Variants in F8 observed in about 807,000 individuals in gnomAD.
F8 encodes the protein coagulation factor VIII.
A neutral mutation model predicts 140.6 loss-of-function variants in F8; 12 were observed. That is an observed-to-expected ratio of 0.09 (90% confidence interval 0.05 to 0.14). F8 has a LOEUF of 0.14. Among genes scored for constraint, F8 ranks in the 10% least tolerant of loss-of-function variants. The pLI is 1.00. For synonymous variants in F8, 585 were observed against 614.6 expected (o/e 0.95, Z 0.71); for missense variants, 1,354 against 1,720.7 (o/e 0.79, Z 3.77).
chrX:154,846,184 A>G (rs1437828209), intron 25 of F8, among the ~76,000 whole-genome samples: 1 of 111,821 alleles, frequency 8.9e-6, no homozygotes, highest in Non-Finnish European at 1.9e-5. Context: ...CTGTTCTTTT[A>G]CATTTGCTGA....
chrX:154,970,278 C>T (rs115482626), intron 6 of F8, among the ~76,000 whole-genome samples: 4,685 of 111,753 alleles, frequency 0.042, 230 homozygotes, highest in African/African-American at 0.14. Context: ...GGAGAGGAAA[C>T]GGATGCCCAG....
At chrX:154,914,584 T>C (rs1472617234) in intron 14 of F8, among the ~76,000 whole-genome samples, 19 of 112,207 alleles carry the variant, frequency 1.7e-4, no homozygotes, top group African/African-American at 5.8e-4. Context: ...ATGCTGCCAA[T>C]CTCTTTGCTA....
At chrX:154,989,067 T>G (rs2073573890) in intron 4 of F8, among the ~76,000 whole-genome samples, 1 of 111,767 alleles carries the variant, frequency 8.9e-6, no homozygotes, top group African/African-American at 3.3e-5. Flanking sequence ...CTATTTATGG[T>G]TTACCTATCT....
chrX:154,982,607 T>C (rs5945128), intron 6 of F8, among the ~76,000 whole-genome samples: 25,668 of 110,215 alleles, frequency 0.23, 2,755 homozygotes, highest in African/African-American at 0.41. Flanking sequence ...CAACCATACA[T>C]GGCACCATTC....
chrX:154,990,157 T>G (rs1557284540), intron 4 of F8, among the ~76,000 whole-genome samples: 1 of 112,156 alleles, frequency 8.9e-6, no homozygotes, highest in Admixed American at 9.5e-5. Flanking sequence ...TTAATTGGTG[T>G]GTTTTAGCCA....
At chrX:154,871,872 C>G (rs1291453842) in intron 22 of F8, among the ~76,000 whole-genome samples, 2 of 111,802 alleles carry the variant, frequency 1.8e-5, no homozygotes, top group African/African-American at 6.5e-5. Flanking sequence ...ACAACCCCAT[C>G]AAAAAATGGG....
chrX:154,930,915 C>T lies in F8; in HGVS notation c.2875G>A (p.Glu959Lys), dbSNP rs782360032. ...TESGGPLSLSEENNDSKLLES... is the reference protein window; with the variant it reads ...TESGGPLSLSKENNDSKLLES... ...AACAACTTTGAATCATTATTTTCTT[C>T]ACTCAAGCTCAGAGGTCCACCAGAC... The change falls in exon 14 of 26, where the codon GAA becomes AAA. Residue 959 changes from glutamate to lysine, a missense_variant. Physicochemically the swap from Glu to Lys is moderately conservative, Grantham distance 56 (BLOSUM62 1). Coordinates refer to ENST00000360256, the MANE Select transcript of F8 (RefSeq NM_000132.4). 1 of 1,198,828 alleles carries T rather than the reference C, an allele frequency of 8.3e-7. No homozygotes were observed. Among genetic ancestry groups the T allele is most frequent in the Admixed American group, 2.3e-5 (1 of 44,286 alleles).
chrX:154,928,362 G>A (rs2073171134), intron 14 of F8, among the ~76,000 whole-genome samples: 1 of 111,823 alleles, frequency 8.9e-6, no homozygotes, highest in South Asian at 3.7e-4. Context: ...AGGTTGATAG[G>A]TGAGGTTGAC....
chrX:155,008,133 A>G (rs1395727584), intron 1 of F8, among the ~76,000 whole-genome samples: 3 of 111,810 alleles, frequency 2.7e-5, no homozygotes, highest in Non-Finnish European at 5.7e-5. Context: ...AGGCACAGGT[A>G]GAACTCCAGC....
At chrX:154,899,768 T>C in intron 21 of F8, 98 bp downstream of exon 21, 2 of 823,222 alleles carry the variant, frequency 2.4e-6, no homozygotes, top group Non-Finnish European at 3.6e-6. Flanking sequence ...GTTCTTTAGT[T>C]TTCTCATATT....
At chrX:155,005,153 T>C (rs2073669606) in intron 1 of F8, among the ~76,000 whole-genome samples, 1 of 111,103 alleles carries the variant, frequency 9.0e-6, no homozygotes, top group Non-Finnish European at 1.9e-5. Flanking sequence ...GAAACTATGG[T>C]TGCCATCATA....
intron 25 of F8, among the ~76,000 whole-genome samples, chrX:154,853,698 A>T (rs1557272295): frequency 8.9e-6 from 1 of 111,819 alleles, no homozygotes; most frequent in Admixed American, 9.5e-5. Flanking sequence ...ATTTTGCTCA[A>T]GGCTTAGTCT....
chrX:154,982,462 AAAAT>A (rs2073533539), intron 6 of F8, among the ~76,000 whole-genome samples: 1 of 94,781 alleles, frequency 1.1e-5, no homozygotes, highest in African/African-American at 4.2e-5. Context: ...AAAAAAAAAA[AAAAT>A]ATATATATAT....
Position 154,860,500 on chromosome X carries a change from C to T in F8, c.6832G>A (p.Glu2278Lys), listed in dbSNP as rs988099238. Residue 2278 changes from glutamate (E) to lysine (K), a missense_variant, in exon 25 of 26, where the codon GAG becomes AAG. By Grantham distance (56) the Glu-to-Lys change is moderately conservative (BLOSUM62 1). This residue lies in a region of F8 where 316 missense variants were observed against 485.4 expected (regional missense o/e 0.65). Coordinates refer to ENST00000360256, the MANE Select transcript of F8 (RefSeq NM_000132.4). ...TCTTGACTGCTGGAGATGAGGAACT[C>T]CTTCACATACATGCTGGTAAGCAGA... is the stretch of plus-strand genomic sequence containing the variant. Reference protein sequence around the residue: ...KSLLTSMYVKEFLISSSQDGH... With the variant: ...KSLLTSMYVKKFLISSSQDGH... 8.3e-7 allele frequency: 1 copy of T among 1,209,017 alleles called. No homozygotes were observed. Among genetic ancestry groups the T allele is most frequent in the African/African-American group, 1.8e-5 (1 of 56,980 alleles).
chrX:154,888,408 C>CTTTTTTTTTTTTTTTTTTTTT (rs1557274896), intron 22 of F8, among the ~76,000 whole-genome samples: 3 of 53,366 alleles, frequency 5.6e-5, no homozygotes, highest in Non-Finnish European at 9.4e-5. Context: ...TTTTTTTTTC[C>CTTTTTTTTTTTTTTTTTTTTT]CCCCGAGATG....
intron 22 of F8, among the ~76,000 whole-genome samples, chrX:154,875,736 AGT>A (rs35911984): frequency 0.34 from 31,260 of 92,863 alleles, 4,385 homozygotes; most frequent in African/African-American, 0.41. Flanking sequence ...CTAAGAATGT[AGT>A]GTGTGTGTGT....
intron 6 of F8, among the ~76,000 whole-genome samples, chrX:154,974,296 T>A (rs73567715): frequency 0.012 from 1,380 of 112,278 alleles, 27 homozygotes; most frequent in African/African-American, 0.042. Flanking sequence ...GTTTGTAGGT[T>A]TATCATATAG....
At chrX:154,838,694 T>C (rs2072493798) in intron 25 of F8, among the ~76,000 whole-genome samples, 1 of 111,887 alleles carries the variant, frequency 8.9e-6, no homozygotes, top group Admixed American at 9.4e-5. Context: ...CTAACAATCC[T>C]GGCATCTTCA....
chrX:154,910,087 A>G (rs148368240), intron 14 of F8, among the ~76,000 whole-genome samples: 7,495 of 111,361 alleles, frequency 0.067, 605 homozygotes, highest in African/African-American at 0.23. Flanking sequence ...CTGCCTTGAG[A>G]TGCTGTTAAT....
Sources: allele counts gnomAD v4.1 joint callset (sites outside exome capture counted in the v4.1 genomes callset), GRCh38; gene constraint gnomAD v4.1.1; regional missense constraint gnomAD v4.1.1; transcripts MANE v1.5; gene names NCBI Gene and HGNC (gene_info 2026-07-23, HGNC 2026-07-21).